BIRC6: variants seen among roughly 807,000 people sequenced by gnomAD.
The protein encoded by BIRC6 is dual E2 ubiquitin-conjugating enzyme/E3 ubiquitin-protein ligase BIRC6.
A neutral mutation model predicts 503.3 loss-of-function variants in BIRC6; 98 were observed. The ratio of observed to expected loss-of-function variants is 0.19; its 90% confidence interval spans 0.17 to 0.23. The LOEUF (loss-of-function observed/expected upper bound fraction) is 0.23. Among genes scored for constraint, BIRC6 ranks in the 10% least tolerant of loss-of-function variants. BIRC6 has a pLI of 1.00. For synonymous variants in BIRC6, 2,240 were observed against 2,078.7 expected, an observed-to-expected ratio of 1.08 and a Z score of -2.11; for missense variants, 5,360 against 5,806.0, an observed-to-expected ratio of 0.92 and a Z score of 2.50.
chr2:32,387,588 GC>G (rs1191971711), intron 3 of BIRC6, among the ~76,000 whole-genome samples: 1 of 152,088 alleles, frequency 6.6e-6, no homozygotes, highest in Non-Finnish European at 1.5e-5. Context: ...GCGAAGCTGG[GC>G]CCAGAATCCA....
intron 1 of BIRC6, among the ~76,000 whole-genome samples, chr2:32,372,619 C>T (rs887338812): frequency 2.0e-5 from 3 of 151,964 alleles, no homozygotes; most frequent in African/African-American, 7.3e-5. Flanking sequence ...GAGGTGGGCA[C>T]ATCACTTGAG....
intron 44 of BIRC6, among the ~76,000 whole-genome samples, chr2:32,492,942 G>C (rs2051930143): frequency 6.6e-6 from 1 of 150,972 alleles, no homozygotes; most frequent in East Asian, 1.9e-4. Context: ...AAGTGTTAGA[G>C]CACACTTCTA....
At chr2:32,370,430 G>A (rs2035765365) in intron 1 of BIRC6, among the ~76,000 whole-genome samples, 1 of 152,104 alleles carries the variant, frequency 6.6e-6, no homozygotes, top group Non-Finnish European at 1.5e-5. Flanking sequence ...TTAAGTAGAT[G>A]TTGGTTCTCT....
At chr2:32,429,003 TA>T in intron 10 of BIRC6, 142 bp from the exon 11 acceptor site, 1 of 711,572 alleles carries the variant, frequency 1.4e-6, no homozygotes. Flanking sequence ...ATTAAATTTC[TA>T]AACTCTTGGA....
chr2:32,596,521 G>T (rs2061685054), intron 68 of BIRC6, among the ~76,000 whole-genome samples: 2 of 151,770 alleles, frequency 1.3e-5, no homozygotes, highest in South Asian at 4.2e-4. Flanking sequence ...TCTTTACATG[G>T]GTCAGGAATT....
intron 9 of BIRC6, among the ~76,000 whole-genome samples, chr2:32,411,904 C>T (rs867476323): frequency 9.9e-5 from 15 of 152,178 alleles, no homozygotes; most frequent in Admixed American, 2.0e-4. Flanking sequence ...AGAGATTATA[C>T]TTGATTTGGG....
intron 38 of BIRC6, among the ~76,000 whole-genome samples, chr2:32,482,034 A>G (rs896056205): frequency 2.0e-5 from 3 of 152,190 alleles, no homozygotes; most frequent in Admixed American, 6.5e-5. Context: ...ATACAGAAGT[A>G]TAGTTATAGA....
At chr2:32,434,149 C>G (rs1292499655) in intron 13 of BIRC6, among the ~76,000 whole-genome samples, 1 of 152,098 alleles carries the variant, frequency 6.6e-6, no homozygotes, top group East Asian at 1.9e-4. Context: ...ATGGAAGTTA[C>G]TTTTAAGGTT....
chr2:32,535,706 T>C (rs2057174911), intron 61 of BIRC6, among the ~76,000 whole-genome samples: 1 of 152,234 alleles, frequency 6.6e-6, no homozygotes, highest in Non-Finnish European at 1.5e-5. Context: ...AGTCTATCAC[T>C]GTTGGACATT....
intron 4 of BIRC6, among the ~76,000 whole-genome samples, chr2:32,391,390 C>T (rs912540294): frequency 4.6e-5 from 7 of 151,976 alleles, no homozygotes; most frequent in African/African-American, 7.3e-5. Context: ...GGTAATATAA[C>T]GAAATGAGAT....
At chr2:32,577,251 T>C (rs2060329179) in intron 66 of BIRC6, among the ~76,000 whole-genome samples, 5 of 152,160 alleles carry the variant, frequency 3.3e-5, no homozygotes, top group Admixed American at 3.3e-4. Context: ...ATACTGAGCT[T>C]TGAAACTGCC....
chr2:32,609,265 C>T (rs972998409), intron 72 of BIRC6, among the ~76,000 whole-genome samples: 3 of 146,822 alleles, frequency 2.0e-5, no homozygotes, highest in Non-Finnish European at 3.0e-5. Flanking sequence ...GTTTTTTTCA[C>T]GTCATCCTGA....
At chr2:32,465,588 T>C (rs2048458217) in intron 26 of BIRC6, among the ~76,000 whole-genome samples, 1 of 152,214 alleles carries the variant, frequency 6.6e-6, no homozygotes, top group African/African-American at 2.4e-5. Flanking sequence ...AGGCTCTGAA[T>C]AGTTTGAATG....
intron 11 of BIRC6, 146 bp downstream of exon 11, chr2:32,429,441 A>C: frequency 1.7e-6 from 1 of 603,588 alleles, no homozygotes; most frequent in Admixed American, 4.1e-5. Context: ...GAAGTCATCT[A>C]AGAGGTTAAA....
intron 9 of BIRC6, among the ~76,000 whole-genome samples, chr2:32,407,599 A>C (rs80314523): frequency 0.025 from 3,815 of 152,272 alleles, 153 homozygotes; most frequent in African/African-American, 0.088. Context: ...ATATAACTTA[A>C]ATCTTTTTAG....
At chr2:32,382,718 T>G (rs1330736922) in intron 3 of BIRC6, among the ~76,000 whole-genome samples, 1 of 152,214 alleles carries the variant, frequency 6.6e-6, no homozygotes, top group Non-Finnish European at 1.5e-5. Flanking sequence ...ATTATGCTTT[T>G]TAAAAAATTT....
In BIRC6 at chr2:32,618,654, A is replaced by G. The variant is rs1157270235; in HGVS notation, c.*750A>G. On this transcript the variant is annotated 3_prime_UTR_variant, in exon 74 of 74. Coordinates refer to ENST00000421745, the MANE Select transcript of BIRC6 (RefSeq NM_016252.4). ...TTAAGTATTTGAAAAGGAATGGTCA[A>G]TTTGAAAGTCATTCTAAACTGATTT... The G allele has an allele frequency of 2.0e-5, 3 of 152,630 alleles. No individual in the cohort carries two copies. Among genetic ancestry groups the G allele is most frequent in the African/African-American group, 4.8e-5 (2 of 41,456 alleles). The allele number at this position is 152,630 out of a possible 1,614,324, so 9.5% of individuals were successfully genotyped here.
intron 5 of BIRC6, among the ~76,000 whole-genome samples, chr2:32,393,025 A>G (rs537859084): frequency 6.6e-6 from 1 of 152,034 alleles, no homozygotes; most frequent in Non-Finnish European, 1.5e-5. Flanking sequence ...GTTTATTTCC[A>G]GTGTTTGACA....
At chr2:32,588,339 G>A (rs2061195196) in intron 66 of BIRC6, among the ~76,000 whole-genome samples, 2 of 152,136 alleles carry the variant, frequency 1.3e-5, no homozygotes, top group African/African-American at 2.4e-5. Context: ...TGGACAACAA[G>A]AGTGAAACTC....
Sources: gnomAD v4.1 joint callset for allele counts (sites outside exome capture counted in the v4.1 genomes callset) on GRCh38, gnomAD v4.1.1 for gene constraint, MANE v1.5 for transcripts, NCBI Gene and HGNC (gene_info 2026-07-23, HGNC 2026-07-21) for gene names.